Variants in ZNF469 observed in about 807,000 individuals in gnomAD.
ZNF469 encodes the protein zinc finger protein 469.
A neutral mutation model predicts 1.0 loss-of-function variants in ZNF469; 1 was observed. The observed-to-expected ratio is 1.00, with a 90% CI of 0.35 to 4.73. The LOEUF (loss-of-function observed/expected upper bound fraction) is 4.73. Among genes scored for constraint, ZNF469 ranks in the 30% most tolerant of loss-of-function variants. ZNF469 has a pLI of 0.16. For missense variants in ZNF469, 6,100 were observed against 5,356.3 expected (o/e 1.14, Z -4.33); for synonymous variants, 2,703 against 2,363.4 (o/e 1.14, Z -4.17).
the ZNF469 span, among the ~76,000 whole-genome samples, chr16:88,353,632 C>T: frequency 1.1e-4 from 17 of 152,330 alleles, no homozygotes; most frequent in South Asian, 1.9e-3. Flanking sequence ...GCGCGCGTGT[C>T]GTGGTGAACG....
upstream of ZNF469, among the ~76,000 whole-genome samples, chr16:88,381,295 CACACAT>C (rs1488588280): frequency 2.0e-5 from 3 of 150,818 alleles, no homozygotes; most frequent in African/African-American, 7.4e-5. Flanking sequence ...CACGCACTCA[CACACAT>C]GCACTCATGC....
chr16:88,295,430 C>T, the ZNF469 span, among the ~76,000 whole-genome samples: 47 of 140,118 alleles, frequency 3.4e-4, no homozygotes, highest in African/African-American at 1.1e-3. Context: ...GACGTCATCT[C>T]GGGCCCCCAG....
chr16:88,213,185 G>C, the ZNF469 span, among the ~76,000 whole-genome samples: 2 of 151,754 alleles, frequency 1.3e-5, no homozygotes, highest in Non-Finnish European at 2.9e-5. Flanking sequence ...TGCAAGCTCC[G>C]CCTCCCTGGT....
At chr16:88,208,799 ACACACTCTCT>A in the ZNF469 span, among the ~76,000 whole-genome samples, 42 of 23,794 alleles carry the variant, frequency 1.8e-3, no homozygotes, top group South Asian at 0.011. Flanking sequence ...ACACACACAC[ACACACTCTCT>A]CTCTCTCTCT....
the ZNF469 span, among the ~76,000 whole-genome samples, chr16:88,362,010 G>A: frequency 6.6e-6 from 1 of 152,184 alleles, no homozygotes; most frequent in African/African-American, 2.4e-5. Context: ...TCATTGATCC[G>A]TTTATTGACT....
At chr16:88,380,637 A>ACAGG (rs2092519922), upstream of ZNF469, among the ~76,000 whole-genome samples, 1 of 142,664 alleles carries the variant, frequency 7.0e-6, no homozygotes, top group Non-Finnish European at 1.5e-5. Flanking sequence ...GCGCTCACAC[A>ACAGG]CATGCACTCA....
chr16:88,254,237 A>G, the ZNF469 span, among the ~76,000 whole-genome samples: 25 of 152,222 alleles, frequency 1.6e-4, no homozygotes, highest in African/African-American at 6.0e-4. Flanking sequence ...GTGATCGCCA[A>G]TTGTCCCTGC....
At chr16:88,262,322 C>A in the ZNF469 span, among the ~76,000 whole-genome samples, 1 of 152,208 alleles carries the variant, frequency 6.6e-6, no homozygotes, top group Non-Finnish European at 1.5e-5. This position sits in a 1 kb window ranked among gnomAD's most constrained non-coding sequence, Gnocchi z 4.3. Flanking sequence ...AGCGAGAAGG[C>A]AGCCTGGCTG....
chr16:88,106,609 C>T, the ZNF469 span, among the ~76,000 whole-genome samples: 1 of 152,218 alleles, frequency 6.6e-6, no homozygotes, highest in Non-Finnish European at 1.5e-5. Flanking sequence ...CCGGAGCAGC[C>T]CCCACTGTCT....
At chr16:88,141,056 G>T in the ZNF469 span, among the ~76,000 whole-genome samples, 1 of 152,194 alleles carries the variant, frequency 6.6e-6, no homozygotes, top group South Asian at 2.1e-4. Context: ...AGGCATCGTT[G>T]GGCCAATGAA....
chr16:88,241,904 G>A, the ZNF469 span, among the ~76,000 whole-genome samples: 1 of 152,228 alleles, frequency 6.6e-6, no homozygotes, highest in African/African-American at 2.4e-5. The surrounding 1 kb of genome is among the most constrained non-coding windows in gnomAD (Gnocchi z 4.8). Flanking sequence ...TCCTCCCGGA[G>A]TTCTGGGAAT....
Position 88,427,351 on chromosome 16 carries a change from C to G in ZNF469, c.-120C>G. 1 of 1,120,334 alleles carries G rather than the reference C, an allele frequency of 8.9e-7. No homozygotes were observed. The highest frequency in any genetic ancestry group is 1.2e-6 in the Non-Finnish European group (1 of 818,234). The allele number at this position is 1,120,334 out of a possible 1,614,324, so 69.4% of individuals were successfully genotyped here. A position where few individuals can be genotyped will look rare whatever the true frequency, so the allele number is the denominator to read the frequency against. On this transcript the variant is annotated 5_prime_UTR_variant, in exon 3 of 3. Coordinates refer to ENST00000565624, the MANE Select transcript of ZNF469 (RefSeq NM_001367624.2). ...CCCTGACCTTTCCTTCCAGGCTCCA[C>G]TCAGGACCATGAGCGCAGGCTTCCC... is the stretch of plus-strand genomic sequence containing the variant.
intron 1 of ZNF469, among the ~76,000 whole-genome samples, chr16:88,388,493 G>A (rs1215781748): frequency 2.6e-5 from 4 of 152,276 alleles, no homozygotes; most frequent in Non-Finnish European, 4.4e-5. Flanking sequence ...CTGGGCCAAG[G>A]TGGCTGTGTG....
the ZNF469 span, among the ~76,000 whole-genome samples, chr16:88,224,754 C>T: frequency 1.3e-5 from 2 of 151,108 alleles, no homozygotes; most frequent in East Asian, 3.9e-4. Context: ...TGTAAGTGTG[C>T]ACGTGTGTGT....
chr16:88,131,253 C>T, the ZNF469 span, among the ~76,000 whole-genome samples: 78 of 152,342 alleles, frequency 5.1e-4, no homozygotes, highest in African/African-American at 1.8e-3. Flanking sequence ...CTGCTTTTCT[C>T]AGCCAGGGAC....
chr16:88,202,957 G>A, the ZNF469 span, among the ~76,000 whole-genome samples: 6 of 152,216 alleles, frequency 3.9e-5, no homozygotes, highest in Non-Finnish European at 5.9e-5. Context: ...GTCCTTTGCC[G>A]TGACAGTCTC....
chr16:88,138,510 A>C, the ZNF469 span, among the ~76,000 whole-genome samples: 1 of 152,270 alleles, frequency 6.6e-6, no homozygotes, highest in African/African-American at 2.4e-5. Flanking sequence ...GAATAGTAGA[A>C]AAGTCATCTT....
chr16:88,183,670 C>A, the ZNF469 span, among the ~76,000 whole-genome samples: 1 of 152,174 alleles, frequency 6.6e-6, no homozygotes, highest in South Asian at 2.1e-4. Flanking sequence ...TCTGTCGGGG[C>A]AGAAGTGCCC....
chr16:88,266,483 G>T, the ZNF469 span, among the ~76,000 whole-genome samples: 1 of 152,226 alleles, frequency 6.6e-6, no homozygotes, highest in Admixed American at 6.5e-5. Flanking sequence ...GTATGTTCAA[G>T]TCAAAATAAA....
Sources: allele counts gnomAD v4.1 joint callset (sites outside exome capture counted in the v4.1 genomes callset), GRCh38; gene constraint gnomAD v4.1.1; non-coding constraint Gnocchi (gnomAD v3.1); transcripts MANE v1.5; gene names NCBI Gene and HGNC (gene_info 2026-07-23, HGNC 2026-07-21).